The following PCDHA3 variants were observed in gnomAD, a reference collection of about 807,000 sequenced individuals.
PCDHA3 encodes the protein protocadherin alpha-3.
Under a neutral mutation model 62.2 loss-of-function variants are expected in PCDHA3, and 41 were observed. The ratio of observed to expected loss-of-function variants is 0.66; its 90% CI spans 0.51 to 0.86. The LOEUF (loss-of-function observed/expected upper bound fraction) is 0.86. Ranked by LOEUF, PCDHA3 falls within the 40% of genes least tolerant of loss-of-function variation. The pLI is 0.00. For synonymous variants in PCDHA3, 640 were observed against 555.4 expected (o/e 1.15, Z -2.14); for missense variants, 1,304 against 1,241.2 (o/e 1.05, Z -0.76).
At chr5:140,825,975 G>A (rs1262367977) in intron 1 of PCDHA3, 2 of 152,286 alleles carry the variant, frequency 1.3e-5, no homozygotes, top group Admixed American at 6.5e-5. Context: ...GAGGGGAAAA[G>A]TATGGATTTA....
rs1214081504 is a variant in PCDHA3, at chr5:140,848,716, T to C, written c.2394+45125T>C. On this transcript the variant is annotated intron_variant, in intron 1 of 3. Coordinates refer to ENST00000522353, the MANE Select transcript of PCDHA3 (RefSeq NM_018906.3). Reference sequence around the variant, plus strand: ...TTGGATTCCAAAGGCCGCGGGGACCTTCTGGAGGTAAATCTGCAGAATGGC... The same window carrying C: ...TTGGATTCCAAAGGCCGCGGGGACCCTCTGGAGGTAAATCTGCAGAATGGC... 1 of 1,592,460 alleles carries C rather than the reference T, an allele frequency of 6.3e-7. No homozygotes were observed.
At chr5:140,974,879 A>G (rs1259634156) in intron 1 of PCDHA3, among the ~76,000 whole-genome samples, 1 of 152,212 alleles carries the variant, frequency 6.6e-6, no homozygotes, top group Non-Finnish European at 1.5e-5. Flanking sequence ...CAGTCTATGT[A>G]TCCCTTTTCT....
At chr5:140,845,144 C>T (rs2150376784) in intron 1 of PCDHA3, among the ~76,000 whole-genome samples, 2 of 149,524 alleles carry the variant, frequency 1.3e-5, no homozygotes, top group Non-Finnish European at 3.0e-5. Context: ...TATTTGAACA[C>T]ATTGTGTAAA....
At chr5:140,879,757 C>T (rs1312451493) in intron 1 of PCDHA3, among the ~76,000 whole-genome samples, 1 of 152,212 alleles carries the variant, frequency 6.6e-6, no homozygotes, top group African/African-American at 2.4e-5. Context: ...GCTATACTCT[C>T]TTTGGAGGCC....
chr5:140,911,849 T>C (rs536574096), intron 1 of PCDHA3, among the ~76,000 whole-genome samples: 4 of 152,314 alleles, frequency 2.6e-5, no homozygotes, highest in African/African-American at 9.6e-5. Flanking sequence ...AACTCCATCC[T>C]TAATAGTCTG....
At chr5:140,968,394 G>A (rs782388354) in intron 1 of PCDHA3, 3 of 1,613,942 alleles carry the variant, frequency 1.9e-6, no homozygotes, top group Admixed American at 3.3e-5. Context: ...GAGAAGTTTC[G>A]GGAGTTCTTT....
At chr5:140,853,463 A>G in intron 1 of PCDHA3, 1 of 972,934 alleles carries the variant, frequency 1.0e-6, no homozygotes, top group Non-Finnish European at 1.2e-6. Context: ...CCTTATATGC[A>G]TCTGTAGTTA....
rs2150454845 is a variant in PCDHA3, at chr5:140,849,865, A to G, written c.2394+46274A>G. On this transcript the variant is annotated intron_variant, in intron 1 of 3. Coordinates refer to ENST00000522353, the MANE Select transcript of PCDHA3 (RefSeq NM_018906.3). ...AACGACAACGCACCAGCGTTCGCGC[A>G]GTCCGAGTACACGGTGTTCGTGAAG... The G allele has an allele frequency of 3.1e-6, 5 of 1,598,572 alleles. 1 individual carries two copies. The Admixed American group carries it at 8.4e-5, about 27-fold the overall frequency.
Position 140,819,137 on chromosome 5 carries a change from T to A in PCDHA3, c.2394+15546T>A, listed in dbSNP as rs193224089. On this transcript the variant is annotated intron_variant, in intron 1 of 3. Coordinates refer to ENST00000522353, the MANE Select transcript of PCDHA3 (RefSeq NM_018906.3). The stretch of plus-strand genomic sequence containing the variant: ...CTTTCTTACTATCCTTATAATAGAA[T>A]AAATTAATTTTTATACAGAATTAAT... Among the ~76,000 whole-genome samples the A allele has an allele frequency of 3.0e-3, 455 of 152,322 alleles. 4 individuals carry two copies. The highest frequency in any genetic ancestry group is 0.014 in the Middle Eastern group (4 of 294).
At chr5:140,899,443 G>A (rs1554188558) in intron 1 of PCDHA3, among the ~76,000 whole-genome samples, 4 of 152,210 alleles carry the variant, frequency 2.6e-5, no homozygotes, top group African/African-American at 9.7e-5. Context: ...CATCTATTGA[G>A]ATAATCATGT....
chr5:140,902,316 G>C (rs2069370797), intron 1 of PCDHA3, among the ~76,000 whole-genome samples: 1 of 151,402 alleles, frequency 6.6e-6, no homozygotes, highest in Non-Finnish European at 1.5e-5. Context: ...GGGATTACAG[G>C]TGTAACTCAC....
intron 1 of PCDHA3, chr5:140,929,420 C>A: frequency 6.7e-7 from 1 of 1,502,700 alleles, no homozygotes; most frequent in Non-Finnish European, 8.9e-7. Context: ...CACAACATTT[C>A]ATCAATTGAA....
chr5:140,854,159 CAAAAAA>C, intron 1 of PCDHA3: 1 of 339,904 alleles, frequency 2.9e-6, no homozygotes, highest in Middle Eastern at 1.4e-3. Flanking sequence ...GATTCTGTCT[CAAAAAA>C]AAAAAAAAAA....
intron 1 of PCDHA3, among the ~76,000 whole-genome samples, chr5:140,947,922 C>T (rs2094193763): frequency 6.6e-6 from 1 of 151,450 alleles, no homozygotes; most frequent in Admixed American, 6.6e-5. Context: ...TTGCCTTAAC[C>T]CTGATCTTAT....
chr5:140,963,927 T>C (rs1439271741), intron 1 of PCDHA3, among the ~76,000 whole-genome samples: 1 of 152,220 alleles, frequency 6.6e-6, no homozygotes, highest in East Asian at 1.9e-4. Context: ...AAGTAACATG[T>C]CCATAGCCAA....
intron 1 of PCDHA3, chr5:140,809,261 G>A: frequency 1.2e-6 from 2 of 1,614,110 alleles, no homozygotes; most frequent in South Asian, 1.1e-5. Flanking sequence ...TCCCGATGCT[G>A]CGCTGGTGGA....
intron 1 of PCDHA3, chr5:140,860,419 T>G (rs1239021926): frequency 6.6e-6 from 1 of 152,112 alleles, no homozygotes; most frequent in African/African-American, 2.4e-5. Context: ...AACACCATTA[T>G]CCTGCAAATA....
chr5:140,870,421 G>A (rs782065685), intron 1 of PCDHA3: 1 of 1,614,216 alleles, frequency 6.2e-7, no homozygotes, highest in Non-Finnish European at 8.5e-7. Flanking sequence ...CACGGCCAGG[G>A]TATCCGTGGA....
Position 140,870,886 on chromosome 5 carries a change from G to T in PCDHA3, c.2394+67295G>T, listed in dbSNP as rs17844350. On this transcript the variant is annotated intron_variant, in intron 1 of 3. Coordinates refer to ENST00000522353, the MANE Select transcript of PCDHA3 (RefSeq NM_018906.3). ...GGGCCACGTGGTGGCGAAGGTGCGC[G>T]CAGTGGATGCGGACTCAGGCTACAA... 4,395 of 1,613,944 alleles carry T rather than the reference G, an allele frequency of 2.7e-3. 116 individuals are homozygous for T. The East Asian group carries it at 0.058, about 21-fold the overall frequency.
Sources: gnomAD v4.1 joint callset for allele counts (sites outside exome capture counted in the v4.1 genomes callset) on GRCh38, gnomAD v4.1.1 for gene constraint, MANE v1.5 for transcripts, NCBI Gene and HGNC (gene_info 2026-07-23, HGNC 2026-07-21) for gene names.